ANKS1B: variants seen among roughly 807,000 people sequenced by gnomAD.
The protein encoded by ANKS1B is ankyrin repeat and sterile alpha motif domain-containing protein 1B.
ANKS1B carries 36 observed loss-of-function variants against 148.3 expected under a neutral mutation model. The observed-to-expected ratio is 0.24, with a 90% CI of 0.19 to 0.32. ANKS1B has a LOEUF of 0.32. ANKS1B is among the 10% of genes least tolerant of loss of function. The pLI is 1.00. For synonymous variants in ANKS1B, 542 were observed against 560.8 expected, an observed-to-expected ratio of 0.97 and a Z score of 0.47; for missense variants, 1,157 against 1,542.6, an observed-to-expected ratio of 0.75 and a Z score of 4.19.
At chr12:99,555,046 T>A (rs2097261839) in intron 9 of ANKS1B, among the ~76,000 whole-genome samples, 1 of 152,184 alleles carries the variant, frequency 6.6e-6, no homozygotes, top group South Asian at 2.1e-4. Flanking sequence ...ATTTTCTTTA[T>A]CCAGTCTACC....
At chr12:99,874,108 A>C (rs2091843695) in intron 1 of ANKS1B, among the ~76,000 whole-genome samples, 1 of 151,650 alleles carries the variant, frequency 6.6e-6, no homozygotes, top group Admixed American at 6.6e-5. Context: ...CAAGTAGAAA[A>C]CACTACCTAC....
chr12:98,740,933 C>T (rs984547925), downstream of ANKS1B, among the ~76,000 whole-genome samples: 146 of 152,134 alleles, frequency 9.6e-4, 2 homozygotes, highest in Non-Finnish European at 4.4e-5. Context: ...CTCCAGCAGC[C>T]ATTTTGTGAC....
intron 19 of ANKS1B, among the ~76,000 whole-genome samples, chr12:98,823,241 C>A (rs139215842): frequency 1.3e-5 from 2 of 152,142 alleles, no homozygotes; most frequent in Non-Finnish European, 2.9e-5. Context: ...AAGCTCCTGA[C>A]GGAAGAGCTT....
chr12:99,058,719 CTTTTTTTTTTT>C (rs869064302), intron 16 of ANKS1B, among the ~76,000 whole-genome samples: 2 of 80,668 alleles, frequency 2.5e-5, no homozygotes, highest in African/African-American at 5.1e-5. Context: ...TCTATCTATC[CTTTTTTTTTTT>C]TTTTTTTTTT....
chr12:99,053,367 A>G (rs1208431144), intron 16 of ANKS1B, 58 bp from the exon 17 acceptor site: 3 of 1,313,378 alleles, frequency 2.3e-6, no homozygotes, highest in Non-Finnish European at 3.0e-6. Flanking sequence ...CCAACAACAG[A>G]ATGCAGATTT....
chr12:99,495,754 T>G (rs1334836194), intron 10 of ANKS1B, among the ~76,000 whole-genome samples: 2 of 152,244 alleles, frequency 1.3e-5, no homozygotes, highest in Non-Finnish European at 2.9e-5. Context: ...ACAGAAATCA[T>G]GTTGACACTA....
rs367857687 is a variant in ANKS1B, at chr12:99,923,582, T to C, written c.134+60522A>G. On this transcript the variant is annotated intron_variant, in intron 1 of 26. Transcript: ENST00000683438. ...AAAAGGGATAAGGAAATAGCATTAG[T>C]GATGGTGACAGAAAAAAAGGAAAGA... Among the ~76,000 whole-genome samples the C allele has an allele frequency of 3.9e-5, 6 of 152,250 alleles. No homozygotes were observed. In the South Asian group the frequency reaches 1.0e-3, roughly 26 times the overall value.
intron 8 of ANKS1B, among the ~76,000 whole-genome samples, chr12:99,669,533 G>A (rs1336763855): frequency 6.6e-6 from 1 of 151,938 alleles, no homozygotes; most frequent in Non-Finnish European, 1.5e-5. Flanking sequence ...TAGTGAATGT[G>A]CCATGTATTA....
chr12:98,993,491 T>TC, intron 17 of ANKS1B, among the ~76,000 whole-genome samples: 1 of 152,324 alleles, frequency 6.6e-6, no homozygotes, highest in East Asian at 1.9e-4. Flanking sequence ...TTTTGAAATG[T>TC]TCCTCTCCTT....
intron 12 of ANKS1B, among the ~76,000 whole-genome samples, chr12:99,283,338 T>C (rs1286669696): frequency 3.9e-5 from 6 of 152,310 alleles, no homozygotes; most frequent in Admixed American, 6.5e-5. Context: ...AACCCTATAG[T>C]CCAACAGTGT....
intron 8 of ANKS1B, among the ~76,000 whole-genome samples, chr12:99,769,183 C>T (rs2062964009): frequency 6.6e-6 from 1 of 152,030 alleles, no homozygotes; most frequent in Non-Finnish European, 1.5e-5. Context: ...GTGGTGTTTT[C>T]AAGACCTCAG....
intron 17 of ANKS1B, among the ~76,000 whole-genome samples, chr12:98,963,473 C>T (rs12580031): frequency 0.17 from 26,040 of 151,708 alleles, 2,442 homozygotes; most frequent in South Asian, 0.29. Flanking sequence ...CTACTGTGCC[C>T]GGCCAAAAAA....
chr12:99,737,812 G>A (rs1293095048), intron 8 of ANKS1B, among the ~76,000 whole-genome samples: 1 of 151,414 alleles, frequency 6.6e-6, no homozygotes, highest in African/African-American at 2.4e-5. Flanking sequence ...TTCTCTTTTA[G>A]TTCTAGCAAT....
intron 17 of ANKS1B, among the ~76,000 whole-genome samples, chr12:99,006,666 G>A (rs1005180107): frequency 1.3e-5 from 2 of 152,172 alleles, no homozygotes; most frequent in African/African-American, 4.8e-5. Context: ...TCAGAAATGA[G>A]CAAAGGCTAA....
At chr12:98,975,871 G>A (rs1359432348) in intron 17 of ANKS1B, among the ~76,000 whole-genome samples, 1 of 152,182 alleles carries the variant, frequency 6.6e-6, no homozygotes, top group South Asian at 2.1e-4. Flanking sequence ...AATGTAGGCA[G>A]GGGCCAGATC....
At chr12:99,365,743 G>C (rs1194721922) in intron 12 of ANKS1B, among the ~76,000 whole-genome samples, 1 of 152,066 alleles carries the variant, frequency 6.6e-6, no homozygotes, top group African/African-American at 2.4e-5. Context: ...GCAACTTAGC[G>C]GGCAAGACCA....
At chr12:99,010,227 G>A (rs2099938509) in intron 17 of ANKS1B, among the ~76,000 whole-genome samples, 1 of 152,140 alleles carries the variant, frequency 6.6e-6, no homozygotes, top group Non-Finnish European at 1.5e-5. Flanking sequence ...TCCTACCTTG[G>A]GGACTTTGAG....
intron 12 of ANKS1B, among the ~76,000 whole-genome samples, chr12:99,306,428 G>T (rs1049003000): frequency 1.8e-4 from 28 of 151,900 alleles, no homozygotes; most frequent in African/African-American, 5.8e-4. Context: ...TTTCTTGTGT[G>T]TCTCCCTACC....
intron 12 of ANKS1B, among the ~76,000 whole-genome samples, chr12:99,335,383 T>C (rs1362623378): frequency 6.6e-6 from 1 of 152,042 alleles, no homozygotes; most frequent in Non-Finnish European, 1.5e-5. Flanking sequence ...TTTAGTTACT[T>C]TTAAGTATAC....
Sources: allele counts gnomAD v4.1 joint callset (sites outside exome capture counted in the v4.1 genomes callset), GRCh38; gene constraint gnomAD v4.1.1; transcripts MANE v1.5; gene names NCBI Gene and HGNC (gene_info 2026-07-23, HGNC 2026-07-21).